Variants in GALNT7 observed in about 807,000 individuals in gnomAD.
GALNT7 encodes polypeptide N-acetylgalactosaminyltransferase 7.
Under a neutral mutation model 82.1 loss-of-function variants are expected in GALNT7, and 60 were observed. That is an observed-to-expected ratio of 0.73 (90% CI 0.59 to 0.91). The LOEUF (loss-of-function observed/expected upper bound fraction) is 0.91, where lower values mean the gene tolerates loss of function less well. Ranked by LOEUF, GALNT7 falls within the 40% of genes least tolerant of loss-of-function variation. GALNT7 has a pLI of 0.00. For missense variants in GALNT7, 660 were observed against 804.2 expected (o/e 0.82, Z 2.17); for synonymous variants, 243 against 275.1 (o/e 0.88, Z 1.15).
At chr4:173,243,898 G>T (rs1579948684) in intron 1 of GALNT7, among the ~76,000 whole-genome samples, 1 of 151,970 alleles carries the variant, frequency 6.6e-6, no homozygotes, top group South Asian at 2.1e-4. Flanking sequence ...TTTCTTTTCG[G>T]AGTCTATCTT....
intron 9 of GALNT7, among the ~76,000 whole-genome samples, chr4:173,315,462 T>C (rs1475902782): frequency 1.3e-5 from 2 of 152,080 alleles, no homozygotes; most frequent in African/African-American, 2.4e-5. Context: ...TCTGGAGATG[T>C]GCATTTGGGG....
chr4:173,169,047 G>A (rs960921843), intron 1 of GALNT7, 86 bp downstream of exon 1: 8 of 1,395,924 alleles, frequency 5.7e-6, no homozygotes, highest in Non-Finnish European at 7.8e-6. Flanking sequence ...GGGGCGGCGG[G>A]GTCGCGGCAC....
At chr4:173,243,730 A>G (rs918747656) in intron 1 of GALNT7, among the ~76,000 whole-genome samples, 3 of 152,062 alleles carry the variant, frequency 2.0e-5, no homozygotes, top group Non-Finnish European at 4.4e-5. Flanking sequence ...AGCAAATTCA[A>G]TTTTTCTGGT....
At chr4:173,215,831 C>T (rs371154374) in intron 1 of GALNT7, among the ~76,000 whole-genome samples, 67 of 152,220 alleles carry the variant, frequency 4.4e-4, no homozygotes, top group East Asian at 2.3e-3. Context: ...TTTAAAAGGC[C>T]GGGTGCAGTG....
chr4:173,291,029 A>C (rs547498011), intron 2 of GALNT7, among the ~76,000 whole-genome samples: 5 of 152,134 alleles, frequency 3.3e-5, no homozygotes, highest in Admixed American at 3.3e-4. Flanking sequence ...TCTCCCATTC[A>C]AAGTTTCTAT....
intron 2 of GALNT7, among the ~76,000 whole-genome samples, chr4:173,278,894 G>A (rs563231939): frequency 3.9e-5 from 6 of 152,186 alleles, no homozygotes; most frequent in East Asian, 3.9e-4. Flanking sequence ...AATTTCTTTC[G>A]AAGCTTAGAT....
intron 7 of GALNT7, among the ~76,000 whole-genome samples, chr4:173,303,658 G>A (rs1039741138): frequency 2.0e-5 from 3 of 152,288 alleles, no homozygotes; most frequent in African/African-American, 7.2e-5. Flanking sequence ...AATCACCCAA[G>A]TAGGAAATAT....
chr4:173,264,595 A>G (rs1735410343), intron 2 of GALNT7, among the ~76,000 whole-genome samples: 1 of 152,186 alleles, frequency 6.6e-6, no homozygotes, highest in Non-Finnish European at 1.5e-5. Flanking sequence ...GTGACTTCCT[A>G]GGCAACTCTA....
At chr4:173,256,296 T>C (rs1378440545) in intron 2 of GALNT7, among the ~76,000 whole-genome samples, 3 of 152,242 alleles carry the variant, frequency 2.0e-5, no homozygotes, top group African/African-American at 7.2e-5. Flanking sequence ...ATCATACTTT[T>C]AATTTTGGTG....
intron 1 of GALNT7, among the ~76,000 whole-genome samples, chr4:173,234,231 C>A (rs1734136612): frequency 6.6e-6 from 1 of 152,176 alleles, no homozygotes; most frequent in Admixed American, 6.5e-5. Flanking sequence ...GGGTGAATTC[C>A]TCAAGGCGGG....
chr4:173,272,947 C>A (rs4695829), intron 2 of GALNT7, among the ~76,000 whole-genome samples: 27,552 of 152,058 alleles, frequency 0.18, 5,138 homozygotes, highest in African/African-American at 0.48. Context: ...TGCTATAGGG[C>A]CATTACTATC....
chr4:173,227,741 A>G (rs1228764702), intron 1 of GALNT7, among the ~76,000 whole-genome samples: 1 of 152,136 alleles, frequency 6.6e-6, no homozygotes, highest in African/African-American at 2.4e-5. Flanking sequence ...CATGATTCTC[A>G]TTGCTTTTAA....
intron 1 of GALNT7, among the ~76,000 whole-genome samples, chr4:173,186,635 A>C (rs1331324612): frequency 1.3e-5 from 2 of 152,228 alleles, no homozygotes; most frequent in African/African-American, 4.8e-5. Flanking sequence ...CAAACTTATT[A>C]TGAATTCATT....
intron 1 of GALNT7, among the ~76,000 whole-genome samples, chr4:173,183,560 A>G (rs983273372): frequency 6.6e-6 from 1 of 152,112 alleles, no homozygotes; most frequent in Non-Finnish European, 1.5e-5. Context: ...CTTTCTACAC[A>G]GACACAGTAA....
chr4:173,169,003 A>G (rs1370709454), intron 1 of GALNT7, 42 bp downstream of exon 1: 1 of 1,602,302 alleles, frequency 6.2e-7, no homozygotes. Context: ...AGCGACCGGC[A>G]ACTTGTTTTG....
At chr4:173,287,116 C>T (rs1299168668) in intron 2 of GALNT7, among the ~76,000 whole-genome samples, 1 of 152,158 alleles carries the variant, frequency 6.6e-6, no homozygotes, top group East Asian at 1.9e-4. Context: ...GAGTAATAAA[C>T]CTGTTCTTTA....
intron 2 of GALNT7, among the ~76,000 whole-genome samples, chr4:173,276,938 G>C (rs1361571801): frequency 6.6e-6 from 1 of 152,068 alleles, no homozygotes; most frequent in African/African-American, 2.4e-5. Flanking sequence ...CTTCCAAGTA[G>C]TACCATCTCT....
intron 2 of GALNT7, among the ~76,000 whole-genome samples, chr4:173,278,381 G>A (rs1012032984): frequency 4.6e-5 from 7 of 152,302 alleles, no homozygotes; most frequent in African/African-American, 1.2e-4. Context: ...ACCTCTCAGG[G>A]AAAACACATA....
intron 3 of GALNT7, among the ~76,000 whole-genome samples, chr4:173,294,782 T>A (rs1200923218): frequency 6.6e-6 from 1 of 152,168 alleles, no homozygotes; most frequent in East Asian, 1.9e-4. Context: ...TATACATATA[T>A]GTATGTATAA....
Sources: allele counts gnomAD v4.1 joint callset (sites outside exome capture counted in the v4.1 genomes callset), GRCh38; gene constraint gnomAD v4.1.1; transcripts MANE v1.5; gene names NCBI Gene and HGNC (gene_info 2026-07-23, HGNC 2026-07-21).